SBF2: variants seen among roughly 807,000 people sequenced by gnomAD.
SBF2 encodes the protein SET binding factor 2.
A neutral mutation model predicts 225.2 loss-of-function variants in SBF2; 112 were observed. The ratio of observed to expected loss-of-function variants is 0.50; its 90% CI spans 0.43 to 0.58. The LOEUF (loss-of-function observed/expected upper bound fraction) is 0.58, where lower values mean the gene tolerates loss of function less well. Among genes scored for constraint, SBF2 ranks in the 20% least tolerant of loss-of-function variants. The pLI is 0.00. For missense variants in SBF2, 1,996 were observed against 2,206.2 expected, an observed-to-expected ratio of 0.90 and a Z score of 1.91; for synonymous variants, 763 against 773.3, an observed-to-expected ratio of 0.99 and a Z score of 0.22.
intron 1 of SBF2, among the ~76,000 whole-genome samples, chr11:10,198,392 T>G (rs1437689032): frequency 6.6e-6 from 1 of 152,170 alleles, no homozygotes; most frequent in Non-Finnish European, 1.5e-5. Context: ...GAGCAGTAGT[T>G]CTCAACAGTG....
At chr11:10,046,738 A>G (rs552655258) in intron 2 of SBF2, among the ~76,000 whole-genome samples, 36 of 152,054 alleles carry the variant, frequency 2.4e-4, no homozygotes, top group Non-Finnish European at 4.6e-4. Flanking sequence ...CCCTTTCACC[A>G]CTGCTTCTCA....
chr11:9,996,625 G>A (rs754780209), intron 9 of SBF2, among the ~76,000 whole-genome samples: 6 of 152,182 alleles, frequency 3.9e-5, no homozygotes, highest in Admixed American at 2.0e-4. Context: ...TCCTGACCTC[G>A]TGATCTGCCT....
At chr11:10,218,199 C>T (rs770899151) in intron 1 of SBF2, among the ~76,000 whole-genome samples, 14 of 151,950 alleles carry the variant, frequency 9.2e-5, no homozygotes, top group East Asian at 1.9e-4. Flanking sequence ...AGTGCCCAGC[C>T]GCAAAGTCAC....
chr11:9,816,699 G>T, intron 29 of SBF2, 141 bp downstream of exon 29: 1 of 588,402 alleles, frequency 1.7e-6, no homozygotes, highest in Non-Finnish European at 2.8e-6. Flanking sequence ...CAAAAGGAGA[G>T]CTAAATTTTT....
At chr11:10,018,190 G>A (rs1948719869) in intron 6 of SBF2, among the ~76,000 whole-genome samples, 1 of 151,942 alleles carries the variant, frequency 6.6e-6, no homozygotes, top group South Asian at 2.1e-4. Flanking sequence ...CTTCCCTTCT[G>A]CCACTATTAC....
rs1380912079 is a variant in SBF2 at position 9,808,193 on chromosome 11, A to G, written c.4258-8T>C. ...CTGAACCAGGGATGTCACCTAGGGC[A>G]TAAGCAGGATGGATTGTCATTAATT... On this transcript the variant is annotated splice_polypyrimidine_tract_variant and splice_region_variant and intron_variant, in intron 31 of 39. Transcript: ENST00000256190. The G allele has an allele frequency of 6.2e-7, 1 of 1,612,474 alleles. No homozygotes were observed. Among genetic ancestry groups the G allele is most frequent in the East Asian group, 2.2e-5 (1 of 44,876 alleles).
chr11:10,298,011 T>TG (rs1964563871), upstream of SBF2, among the ~76,000 whole-genome samples: 1 of 152,234 alleles, frequency 6.6e-6, no homozygotes, highest in Non-Finnish European at 1.5e-5. Context: ...TTTGTTTTCC[T>TG]GAAGGCTGAT....
chr11:9,926,455 A>C (rs1864062501), intron 16 of SBF2, among the ~76,000 whole-genome samples: 1 of 152,162 alleles, frequency 6.6e-6, no homozygotes, highest in African/African-American at 2.4e-5. Flanking sequence ...TTATATTAGA[A>C]CACACATTCT....
rs1190433822 is a variant in SBF2 at position 10,108,547 on chromosome 11, C to T, written c.142-65566G>A. On this transcript the variant is annotated intron_variant, in intron 2 of 39. Coordinates refer to ENST00000256190, the MANE Select transcript of SBF2 (RefSeq NM_030962.4). ...TTTTTTTTTTTTTTTTTTTTTGAGA[C>T]GGAGTCTCGCTCTGTCGCCCAGGCT... Among the ~76,000 whole-genome samples, 12 of 102,852 alleles carry T rather than the reference C, an allele frequency of 1.2e-4. No individual in the cohort carries two copies. The East Asian group carries it at 1.6e-3, about 14-fold the overall frequency. 67.5% of individuals were successfully genotyped at this position (102,852 alleles called of 152,430 possible). A position where few individuals can be genotyped will look rare whatever the true frequency, so the allele number is the denominator to read the frequency against.
chr11:9,910,470 TA>T (rs1161564477), intron 16 of SBF2, among the ~76,000 whole-genome samples: 2 of 152,018 alleles, frequency 1.3e-5, no homozygotes, highest in East Asian at 1.9e-4. Context: ...TTCTACTTAT[TA>T]AAAAAAATAG....
intron 16 of SBF2, among the ~76,000 whole-genome samples, chr11:9,952,672 C>T (rs1865926383): frequency 6.6e-6 from 1 of 152,058 alleles, no homozygotes; most frequent in Non-Finnish European, 1.5e-5. Flanking sequence ...TGGGTGGTAG[C>T]AGAGATTAAT....
chr11:9,808,402 A>T (rs557912827), intron 31 of SBF2: 6 of 591,074 alleles, frequency 1.0e-5, no homozygotes, highest in Non-Finnish European at 1.8e-5. Flanking sequence ...GTTTACTTTC[A>T]GGGAATTGAG....
intron 16 of SBF2, among the ~76,000 whole-genome samples, chr11:9,942,911 G>GA (rs1865353771): frequency 1.6e-5 from 1 of 62,592 alleles, no homozygotes; most frequent in Non-Finnish European, 4.5e-5. Flanking sequence ...GAGAAAGAAA[G>GA]AAAGAAAGAA....
chr11:10,302,900 C>G (rs1392718935), intron 1 of SBF2: 1 of 152,232 alleles, frequency 6.6e-6, no homozygotes, highest in Non-Finnish European at 1.5e-5. Context: ...TGGGCCGACG[C>G]CTAGCTGTCC....
Position 10,303,885 on chromosome 11 carries a change from G to A in SBF2, n.386+607C>T, listed in dbSNP as rs1257219905. 1.3e-5 allele frequency among the ~76,000 whole-genome samples: 2 copies of A among 152,184 alleles called. No homozygotes were observed. Among genetic ancestry groups the A allele is most frequent in the East Asian group, 1.9e-4 (1 of 5,198 alleles). Reference sequence around the variant, plus strand: ...GAAAGAGCACAAACGGGTGACAAACGTGTCTAGCGTGATTCATCATGAACA... The same window carrying A: ...GAAAGAGCACAAACGGGTGACAAACATGTCTAGCGTGATTCATCATGAACA... On this transcript the variant is annotated intron_variant and non_coding_transcript_variant, in intron 1 of 5. Transcript: ENST00000685217. This position sits in a 1 kb window ranked among gnomAD's most constrained non-coding sequence, Gnocchi z 5.2.
At chr11:10,091,425 C>G (rs79771855) in intron 2 of SBF2, among the ~76,000 whole-genome samples, 1,643 of 152,230 alleles carry the variant, frequency 0.011, 14 homozygotes, top group Non-Finnish European at 0.017. Flanking sequence ...AACCTATATT[C>G]AATTTTCTTA....
At chr11:10,160,839 C>T (rs1955696650) in intron 2 of SBF2, among the ~76,000 whole-genome samples, 1 of 152,094 alleles carries the variant, frequency 6.6e-6, no homozygotes, top group Non-Finnish European at 1.5e-5. Context: ...CTGCACCTGG[C>T]TAATTCCTAT....
intron 1 of SBF2, among the ~76,000 whole-genome samples, chr11:10,275,728 T>A (rs889795047): frequency 6.6e-6 from 1 of 151,896 alleles, no homozygotes; most frequent in African/African-American, 2.4e-5. Context: ...AAACAAAAAC[T>A]GCTTCTTGGG....
At chr11:10,222,812 C>G (rs2135410319) in intron 1 of SBF2, among the ~76,000 whole-genome samples, 1 of 152,116 alleles carries the variant, frequency 6.6e-6, no homozygotes, top group East Asian at 1.9e-4. Context: ...TGGCGATGAC[C>G]CTGAGCAGCA....
Sources: gnomAD v4.1 joint callset for allele counts (sites outside exome capture counted in the v4.1 genomes callset) on GRCh38, gnomAD v4.1.1 for gene constraint, Gnocchi (gnomAD v3.1) non-coding constraint, MANE v1.5 for transcripts, NCBI Gene and HGNC (gene_info 2026-07-23, HGNC 2026-07-21) for gene names.